Variants in UGT1A7 observed in about 807,000 individuals in gnomAD.
The protein encoded by UGT1A7 is UDP glucuronosyltransferase family 1 member A7.
UGT1A7 carries 33 observed loss-of-function variants against 45.6 expected under a neutral mutation model. The ratio of observed to expected loss-of-function variants is 0.72; its 90% CI spans 0.55 to 0.97. The LOEUF is 0.97. Among genes scored for constraint, UGT1A7 ranks in the 50% least tolerant of loss-of-function variants. UGT1A7 has a pLI of 0.00. For missense variants in UGT1A7, 684 were observed against 666.2 expected, an observed-to-expected ratio of 1.03 and a Z score of -0.29; for synonymous variants, 274 against 250.6, an observed-to-expected ratio of 1.09 and a Z score of -0.88.
chr2:233,717,910 C>T (rs533075962), intron 1 of UGT1A7: 5 of 454,782 alleles, frequency 1.1e-5, no homozygotes, highest in Admixed American at 4.7e-5. Context: ...GAAATAAAGG[C>T]CTGGATGAAT....
chr2:233,753,155 C>T (rs1695142736), intron 1 of UGT1A7: 2 of 152,204 alleles, frequency 1.3e-5, no homozygotes, highest in Admixed American at 6.5e-5. Flanking sequence ...TGTAAGTTCC[C>T]TTATCCGGAT....
rs1028385252 is a variant in UGT1A7 at position 233,772,759 on chromosome 2, C to T, written c.*200C>T. On this transcript the variant is annotated 3_prime_UTR_variant, in exon 5 of 5. Transcript: ENST00000373426. ...TCAGTAAAGATATTTGAATATGTAT[C>T]GTGCCCCCTCTGGTGTCTTTGATCA... is the stretch of plus-strand genomic sequence containing the variant. 2.3e-5 allele frequency: 32 copies of T among 1,393,958 alleles called. No individual in the cohort carries two copies. In the Admixed American group the frequency reaches 4.6e-4, roughly 20 times the overall value. The allele number at this position is 1,393,958 out of a possible 1,614,324, so 86.3% of individuals were successfully genotyped here. A position where few individuals can be genotyped will look rare whatever the true frequency, so the allele number is the denominator to read the frequency against.
At chr2:233,744,192 A>C (rs1389532681) in intron 1 of UGT1A7, among the ~76,000 whole-genome samples, 1 of 151,842 alleles carries the variant, frequency 6.6e-6, no homozygotes, top group East Asian at 1.9e-4. Flanking sequence ...CATGGTCTCC[A>C]AAAAGGATGG....
intron 1 of UGT1A7, among the ~76,000 whole-genome samples, chr2:233,732,779 AT>A (rs1417655336): frequency 8.9e-6 from 1 of 112,574 alleles, no homozygotes; most frequent in South Asian, 2.6e-4. Context: ...TTTGCTTAGG[AT>A]TGTCTTGGCA....
chr2:233,682,919 T>C, intron 1 of UGT1A7, 127 bp downstream of exon 1: 1 of 1,479,824 alleles, frequency 6.8e-7, no homozygotes, highest in Non-Finnish European at 8.9e-7. Flanking sequence ...TAAGGAATTC[T>C]TTTGTACCAA....
chr2:233,685,346 A>C (rs930458556), intron 1 of UGT1A7, among the ~76,000 whole-genome samples: 1 of 152,100 alleles, frequency 6.6e-6, no homozygotes, highest in African/African-American at 2.4e-5. Flanking sequence ...AAGTGGTTTT[A>C]ATGAGAAAAA....
chr2:233,701,753 A>G (rs540599933), intron 1 of UGT1A7, among the ~76,000 whole-genome samples: 7 of 152,372 alleles, frequency 4.6e-5, no homozygotes, highest in Non-Finnish European at 1.0e-4. Context: ...TACTGGGTAC[A>G]TAACGAAATG....
chr2:233,741,124 A>T (rs1048949215), intron 1 of UGT1A7, among the ~76,000 whole-genome samples: 1 of 151,714 alleles, frequency 6.6e-6, no homozygotes, highest in Non-Finnish European at 1.5e-5. Context: ...ACTTCTATAA[A>T]AGCAACACTT....
chr2:233,751,852 T>C (rs1461134305), intron 1 of UGT1A7, among the ~76,000 whole-genome samples: 2 of 152,196 alleles, frequency 1.3e-5, no homozygotes, highest in East Asian at 1.9e-4. Context: ...TTTAAACCTT[T>C]GTCTTTTATA....
chr2:233,763,185 T>A (rs137981544), intron 1 of UGT1A7, among the ~76,000 whole-genome samples: 97 of 152,380 alleles, frequency 6.4e-4, no homozygotes, highest in African/African-American at 2.1e-3. Flanking sequence ...ATATTTGTTG[T>A]TGCCTTGTTT....
intron 1 of UGT1A7, among the ~76,000 whole-genome samples, chr2:233,753,816 G>A (rs1559398295): frequency 6.6e-6 from 1 of 152,164 alleles, no homozygotes; most frequent in Non-Finnish European, 1.5e-5. Flanking sequence ...GGAGAACCAC[G>A]TTAGGGCTGA....
chr2:233,717,084 A>G (rs1344927220), intron 1 of UGT1A7, among the ~76,000 whole-genome samples: 1 of 152,206 alleles, frequency 6.6e-6, no homozygotes, highest in Non-Finnish European at 1.5e-5. Context: ...ACCAGAAATC[A>G]GATGACATCA....
chr2:233,773,166 A>T lies in UGT1A7; in HGVS notation c.*607A>T, dbSNP rs1365431114. ...ATTGGTGGGTGGTGTATTTGAGAAGATAATCATTGCTTATGTCAAATGGAG... is the reference window on the plus strand; with the variant it reads ...ATTGGTGGGTGGTGTATTTGAGAAGTTAATCATTGCTTATGTCAAATGGAG... On this transcript the variant is annotated 3_prime_UTR_variant, in exon 5 of 5. Transcript: ENST00000373426. The T allele has an allele frequency of 6.5e-6, 1 of 153,410 alleles. No individual in the cohort carries two copies. Among genetic ancestry groups the T allele is most frequent in the Non-Finnish European group, 1.5e-5 (1 of 68,794 alleles). The allele number at this position is 153,410 out of a possible 1,614,324, so 9.5% of individuals were successfully genotyped here.
chr2:233,716,945 C>G (rs1559362074), intron 1 of UGT1A7, among the ~76,000 whole-genome samples: 1 of 152,182 alleles, frequency 6.6e-6, no homozygotes, highest in Non-Finnish European at 1.5e-5. Context: ...TCCTATTTCC[C>G]AGGCACCAGG....
intron 1 of UGT1A7, among the ~76,000 whole-genome samples, chr2:233,736,892 T>C (rs905438192): frequency 2.6e-5 from 4 of 152,220 alleles, no homozygotes; most frequent in Non-Finnish European, 5.9e-5. Flanking sequence ...TATTGCTGCC[T>C]GATCCTTCCT....
intron 1 of UGT1A7, chr2:233,747,375 G>C: frequency 6.2e-7 from 1 of 1,604,748 alleles, no homozygotes; most frequent in African/African-American, 1.3e-5. Flanking sequence ...CCATGCCAGA[G>C]GCCACCAGGC....
chr2:233,722,990 G>A (rs976354785), intron 1 of UGT1A7, among the ~76,000 whole-genome samples: 13 of 147,090 alleles, frequency 8.8e-5, no homozygotes, highest in African/African-American at 3.0e-4. Flanking sequence ...CTGTCTCAGC[G>A]TGGCAGAGGC....
Position 233,720,957 on chromosome 2 carries a change from C to T in UGT1A7, c.855+38165C>T, listed in dbSNP as rs1032077883. 4.6e-5 allele frequency among the ~76,000 whole-genome samples: 7 copies of T among 151,348 alleles called. No homozygotes were observed. In the East Asian group the frequency reaches 5.8e-4, roughly 13 times the overall value. On this transcript the variant is annotated intron_variant, in intron 1 of 4. Transcript: ENST00000373426. ...AACTCCTGACCTCATGTGATCTGCC[C>T]GCCTCGGCCTCCCAAAGTGCTGGGA...
chr2:233,723,412 A>G, intron 1 of UGT1A7, among the ~76,000 whole-genome samples: 1 of 132,624 alleles, frequency 7.5e-6, no homozygotes, highest in African/African-American at 3.1e-5. Flanking sequence ...GTTTCACCAT[A>G]CTGGTCAGGC....
Sources: gnomAD v4.1 joint callset for allele counts (sites outside exome capture counted in the v4.1 genomes callset) on GRCh38, gnomAD v4.1.1 for gene constraint, MANE v1.5 for transcripts, NCBI Gene and HGNC (gene_info 2026-07-23, HGNC 2026-07-21) for gene names.